The following FARS2 variants were observed in gnomAD, a reference collection of about 807,000 sequenced individuals.
The protein encoded by FARS2 is phenylalanine--tRNA ligase, mitochondrial.
A neutral mutation model predicts 46.4 loss-of-function variants in FARS2; 40 were observed. The ratio of observed to expected loss-of-function variants is 0.86; its 90% CI spans 0.67 to 1.12. The LOEUF (loss-of-function observed/expected upper bound fraction) is 1.12. Among genes scored for constraint, FARS2 ranks in the 50% most tolerant of loss-of-function variants. The probability of loss-of-function intolerance (pLI) is 0.00; values close to 1 mark genes in which losing one functional copy is unlikely to be tolerated. For missense variants in FARS2, 513 were observed against 567.9 expected, an observed-to-expected ratio of 0.90 and a Z score of 0.98; for synonymous variants, 234 against 214.9, an observed-to-expected ratio of 1.09 and a Z score of -0.78.
At chr6:5,396,923 C>G (rs966477426) in intron 2 of FARS2, among the ~76,000 whole-genome samples, 7 of 152,148 alleles carry the variant, frequency 4.6e-5, no homozygotes, top group Non-Finnish European at 1.5e-5. Context: ...CACGTTTCCC[C>G]CTGATTTGAT....
intron 1 of FARS2, among the ~76,000 whole-genome samples, chr6:5,320,378 A>G (rs1017715322): frequency 2.6e-5 from 4 of 152,234 alleles, no homozygotes; most frequent in Admixed American, 2.6e-4. Flanking sequence ...GGAGCTGTCC[A>G]GTTGACTGAG....
intron 6 of FARS2, among the ~76,000 whole-genome samples, chr6:5,719,984 T>C (rs1363080505): frequency 6.6e-6 from 1 of 152,148 alleles, no homozygotes; most frequent in East Asian, 1.9e-4. Flanking sequence ...AGAAGGACAC[T>C]TGAGAGTCAC....
chr6:5,317,346 G>A (rs78090248), intron 1 of FARS2, among the ~76,000 whole-genome samples: 1,660 of 152,282 alleles, frequency 0.011, 37 homozygotes, highest in African/African-American at 0.038. Context: ...CCAGACTCAG[G>A]CAGTGGTTTT....
At chr6:5,578,808 C>CAAAA (rs56248218) in intron 5 of FARS2, among the ~76,000 whole-genome samples, 12 of 124,352 alleles carry the variant, frequency 9.7e-5, no homozygotes, top group African/African-American at 2.5e-4. Context: ...CACTCCGTCT[C>CAAAA]AAAAAAAAAA....
At chr6:5,635,015 C>T (rs372580213) in intron 6 of FARS2, among the ~76,000 whole-genome samples, 5 of 152,314 alleles carry the variant, frequency 3.3e-5, no homozygotes, top group African/African-American at 4.8e-5. Flanking sequence ...CTTTAGAGGC[C>T]GCCCTGAGTG....
chr6:5,333,180 A>G (rs73367021), intron 1 of FARS2, among the ~76,000 whole-genome samples: 8,455 of 149,882 alleles, frequency 0.056, 281 homozygotes, highest in Middle Eastern at 0.13. Context: ...GGAACAGTCA[A>G]TAATTAAGCA....
chr6:5,674,193 T>TAAA (rs71540878), intron 6 of FARS2, among the ~76,000 whole-genome samples: 6,606 of 76,108 alleles, frequency 0.087, 349 homozygotes, highest in Middle Eastern at 0.15. Context: ...GCATTCTCAT[T>TAAA]AAAAAAAAAA....
chr6:5,250,164 C>T, the FARS2 span, among the ~76,000 whole-genome samples: 1 of 151,796 alleles, frequency 6.6e-6, no homozygotes, highest in African/African-American at 2.4e-5. Context: ...CTTTGACTCC[C>T]TCATTATTTT....
chr6:5,666,279 T>G (rs903849968), intron 6 of FARS2, among the ~76,000 whole-genome samples: 26 of 152,318 alleles, frequency 1.7e-4, no homozygotes, highest in African/African-American at 5.3e-4. Flanking sequence ...CAATATTGTT[T>G]GTTTTGCTTT....
chr6:5,512,263 G>A (rs1333639730), intron 4 of FARS2, among the ~76,000 whole-genome samples: 3 of 152,106 alleles, frequency 2.0e-5, no homozygotes. Context: ...TAGAGGGAGA[G>A]CCAGTTCTGG....
At chr6:5,434,710 G>A (rs1582095578) in intron 4 of FARS2, among the ~76,000 whole-genome samples, 1 of 152,034 alleles carries the variant, frequency 6.6e-6, no homozygotes, top group Non-Finnish European at 1.5e-5. Flanking sequence ...GTGCAGTTCC[G>A]CTATTCTTTC....
chr6:5,314,282 T>C (rs1366969721), intron 1 of FARS2, among the ~76,000 whole-genome samples: 1 of 151,946 alleles, frequency 6.6e-6, no homozygotes, highest in Non-Finnish European at 1.5e-5. Context: ...ACCTGGGATA[T>C]TGAAGAGGTG....
At chr6:5,387,815 T>C (rs1192257544) in intron 2 of FARS2, among the ~76,000 whole-genome samples, 6 of 152,238 alleles carry the variant, frequency 3.9e-5, no homozygotes, top group Admixed American at 3.9e-4. Context: ...ACTGAAGTGT[T>C]GTTCCTGGAG....
At chr6:5,570,749 TA>T (rs1477175684) in intron 5 of FARS2, among the ~76,000 whole-genome samples, 1 of 152,100 alleles carries the variant, frequency 6.6e-6, no homozygotes, top group Non-Finnish European at 1.5e-5. Context: ...GATTGTTTAA[TA>T]GATGCTAGAA....
At chr6:5,549,192 T>A (rs1440114117) in intron 5 of FARS2, among the ~76,000 whole-genome samples, 37 of 150,518 alleles carry the variant, frequency 2.5e-4, no homozygotes, top group African/African-American at 6.2e-4. Flanking sequence ...TTTTTTTTTT[T>A]TAATTATACT....
intron 6 of FARS2, among the ~76,000 whole-genome samples, chr6:5,681,178 A>G (rs962995521): frequency 3.3e-5 from 5 of 152,246 alleles, no homozygotes; most frequent in Non-Finnish European, 5.9e-5. Flanking sequence ...ATTCTTCTTT[A>G]TTAGACTGAA....
At chr6:5,430,306 C>T (rs1000942419) in intron 3 of FARS2, among the ~76,000 whole-genome samples, 2 of 152,142 alleles carry the variant, frequency 1.3e-5, no homozygotes, top group African/African-American at 4.8e-5. Flanking sequence ...TTAGTGACCT[C>T]TGCTCTTTGC....
intron 5 of FARS2, among the ~76,000 whole-genome samples, chr6:5,588,845 T>G (rs1006969795): frequency 6.6e-6 from 1 of 152,204 alleles, no homozygotes; most frequent in Non-Finnish European, 1.5e-5. Context: ...AGTTCTGTTT[T>G]TCATCCTAAG....
chr6:5,322,092 G>T (rs1471814015), intron 1 of FARS2, among the ~76,000 whole-genome samples: 1 of 152,130 alleles, frequency 6.6e-6, no homozygotes, highest in African/African-American at 2.4e-5. Flanking sequence ...AACAATAATG[G>T]TGACCAAAAA....
Sources: gnomAD v4.1 joint callset for allele counts (sites outside exome capture counted in the v4.1 genomes callset) on GRCh38, gnomAD v4.1.1 for gene constraint, MANE v1.5 for transcripts, NCBI Gene and HGNC (gene_info 2026-07-23, HGNC 2026-07-21) for gene names.